Variants in ADGRL2 observed in about 807,000 individuals in gnomAD.
ADGRL2 encodes the protein adhesion G protein-coupled receptor L2, also known as calcium-independent alpha-latrotoxin receptor 2.
In ADGRL2, 44 loss-of-function variants were observed where a neutral mutation model predicts 157.4. The observed-to-expected ratio is 0.28, with a 90% CI of 0.22 to 0.36. The LOEUF (loss-of-function observed/expected upper bound fraction) is 0.36, where lower values mean the gene tolerates loss of function less well. Ranked by LOEUF, ADGRL2 falls within the 10% of genes least tolerant of loss-of-function variation. ADGRL2 has a pLI of 1.00. For synonymous variants in ADGRL2, 585 were observed against 624.7 expected, an observed-to-expected ratio of 0.94 and a Z score of 0.95; for missense variants, 1,510 against 1,768.9, an observed-to-expected ratio of 0.85 and a Z score of 2.63.
chr1:81,916,338 G>A (rs1280518241), intron 3 of ADGRL2, among the ~76,000 whole-genome samples: 2 of 152,062 alleles, frequency 1.3e-5, no homozygotes, highest in East Asian at 3.9e-4. Flanking sequence ...TTGCTTACAA[G>A]CATCCTTTTT....
In ADGRL2 at chr1:81,847,967, T is replaced by C. The variant is rs527836647; in HGVS notation, c.73+10910T>C. ...TTATCAGCACCATAAGAGTATAGGATGGAAGTACTTGATTGTTAACTGGTC... is the reference window on the plus strand; with the variant it reads ...TTATCAGCACCATAAGAGTATAGGACGGAAGTACTTGATTGTTAACTGGTC... On this transcript the variant is annotated intron_variant, in intron 2 of 23. Coordinates refer to ENST00000686636, the MANE Select transcript of ADGRL2 (RefSeq NM_001366006.2). Among the ~76,000 whole-genome samples, 11 of 151,804 alleles carry C rather than the reference T, an allele frequency of 7.2e-5. No homozygotes were observed. In the South Asian group the frequency reaches 2.3e-3, roughly 32 times the overall value.
At chr1:81,708,696 A>T (rs948263473) in intron 1 of ADGRL2, among the ~76,000 whole-genome samples, 1 of 151,900 alleles carries the variant, frequency 6.6e-6, no homozygotes, top group African/African-American at 2.4e-5. Context: ...AAGCTGAGGA[A>T]ATGTTTAATA....
intron 1 of ADGRL2, among the ~76,000 whole-genome samples, chr1:81,424,808 C>T (rs746747647): frequency 2.0e-5 from 3 of 152,140 alleles, no homozygotes; most frequent in Non-Finnish European, 2.9e-5. Flanking sequence ...TCTTTCAAAA[C>T]ATTTTCTGAC....
rs768266678 is a variant in ADGRL2, at chr1:81,969,403, G to T, written c.2733+16G>T. The T allele has an allele frequency of 2.6e-6, 4 of 1,563,034 alleles. No individual in the cohort carries two copies. Among genetic ancestry groups the T allele is most frequent in the African/African-American group, 1.4e-5 (1 of 73,832 alleles). ...AAAATATGCGGTAAGCACCAGTTGA[G>T]TTCATTGACCTTAGATCTCTGAAAA... On this transcript the variant is annotated intron_variant, in intron 15 of 23. Coordinates refer to ENST00000686636, the MANE Select transcript of ADGRL2 (RefSeq NM_001366006.2).
intron 2 of ADGRL2, among the ~76,000 whole-genome samples, chr1:81,876,285 TAA>T (rs2093839623): frequency 6.6e-6 from 1 of 152,190 alleles, no homozygotes; most frequent in African/African-American, 2.4e-5. Context: ...ACTTGTAAGT[TAA>T]ATACCTTTTA....
At chr1:81,881,260 C>A (rs2093979058) in intron 2 of ADGRL2, among the ~76,000 whole-genome samples, 1 of 152,166 alleles carries the variant, frequency 6.6e-6, no homozygotes, top group Non-Finnish European at 1.5e-5. Context: ...ACTGCAAGCT[C>A]CACCTCCCGG....
In ADGRL2 at chr1:81,702,534, C is replaced by T. The variant is rs573996572; in HGVS notation, c.-143+2726C>T. On this transcript the variant is annotated intron_variant, in intron 1 of 20. Coordinates refer to the ADGRL2 transcript ENST00000359929. ...TTCATGATGTACAACACAGTAATTT[C>T]GGAACAGTGGTTTTCAGAGAACAAC... Among the ~76,000 whole-genome samples, 4 of 152,276 alleles carry T rather than the reference C, an allele frequency of 2.6e-5. No homozygotes were observed. In the South Asian group the frequency reaches 8.3e-4, roughly 32 times the overall value.
At chr1:81,790,740 C>T (rs1020620602) in intron 2 of ADGRL2, among the ~76,000 whole-genome samples, 2 of 152,154 alleles carry the variant, frequency 1.3e-5, no homozygotes, top group Admixed American at 1.3e-4. Context: ...CTTCAAAAAG[C>T]TTCTGAGAAT....
chr1:81,664,305 A>G (rs1231063815), intron 3 of ADGRL2, among the ~76,000 whole-genome samples: 1 of 152,140 alleles, frequency 6.6e-6, no homozygotes, highest in African/African-American at 2.4e-5. Flanking sequence ...TATAATAAGA[A>G]TATTTTTCCA....
chr1:81,327,711 A>G lies in ADGRL2; in HGVS notation c.-302+21202A>G, dbSNP rs182405898. On this transcript the variant is annotated intron_variant, in intron 1 of 24. Transcript: ENST00000370721. ...CTTCTTGGCATTTGAAGAAGCTTAG[A>G]TATAATCAAATGTCATGCCCTCTGT... Among the ~76,000 whole-genome samples, 6 of 152,292 alleles carry G rather than the reference A, an allele frequency of 3.9e-5. No individual in the cohort carries two copies. In the East Asian group the frequency reaches 1.2e-3, roughly 29 times the overall value.
At chr1:81,825,657 C>CAAAAAA (rs71085375) in intron 1 of ADGRL2, among the ~76,000 whole-genome samples, 25 of 86,746 alleles carry the variant, frequency 2.9e-4, no homozygotes, top group African/African-American at 8.2e-4. Flanking sequence ...ACCCTGTCTC[C>CAAAAAA]AAAAAAAAAA....
intron 2 of ADGRL2, among the ~76,000 whole-genome samples, chr1:81,479,406 C>T (rs2078339579): frequency 6.6e-6 from 1 of 152,006 alleles, no homozygotes; most frequent in Non-Finnish European, 1.5e-5. Context: ...TCACTTGAAC[C>T]CAGGATGCAG....
At chr1:81,441,525 G>GT (rs1158804028) in intron 1 of ADGRL2, among the ~76,000 whole-genome samples, 2 of 152,056 alleles carry the variant, frequency 1.3e-5, no homozygotes, top group Admixed American at 6.5e-5. Context: ...TTGTTTTTGG[G>GT]TTTTTTTGTT....
chr1:81,685,251 T>C (rs531978707), intron 3 of ADGRL2, among the ~76,000 whole-genome samples: 1 of 152,364 alleles, frequency 6.6e-6, no homozygotes, highest in South Asian at 2.1e-4. Context: ...ACAATATTGA[T>C]TCTACCAATC....
At chr1:81,621,785 A>T (rs1213188211) in intron 3 of ADGRL2, among the ~76,000 whole-genome samples, 1 of 152,152 alleles carries the variant, frequency 6.6e-6, no homozygotes, top group Non-Finnish European at 1.5e-5. Context: ...TCTAAGTCTG[A>T]GGTAATTTGT....
chr1:81,543,728 A>G (rs1230302890), intron 2 of ADGRL2, among the ~76,000 whole-genome samples: 1 of 152,110 alleles, frequency 6.6e-6, no homozygotes. Context: ...AAAAATCTGC[A>G]AAGAACCCTA....
chr1:81,571,336 A>AAATATATATATACATATATATATAT (rs2080684370), intron 2 of ADGRL2, among the ~76,000 whole-genome samples: 1 of 147,242 alleles, frequency 6.8e-6, no homozygotes, highest in Non-Finnish European at 1.5e-5. Flanking sequence ...AAACAAATAC[A>AAATATATATATACATATATATATAT]AATATATATA....
rs74543254 is a variant in ADGRL2 at position 81,373,186 on chromosome 1, T to C, written c.-302+66677T>C. 3.0e-3 allele frequency among the ~76,000 whole-genome samples: 460 copies of C among 152,324 alleles called. 7 individuals are homozygous for C. The South Asian group carries it at 0.048, about 16-fold the overall frequency. ...ACAGAACCTTTTAGAAAGTGTCCAA[T>C]AAATGTTGATAACATTGAATAAATG... On this transcript the variant is annotated intron_variant, in intron 1 of 24. Coordinates refer to the ADGRL2 transcript ENST00000370721.
chr1:81,457,683 A>AT (rs200388669), intron 2 of ADGRL2, among the ~76,000 whole-genome samples: 245 of 152,192 alleles, frequency 1.6e-3, no homozygotes, highest in East Asian at 9.1e-3. Flanking sequence ...AGCCAAATGA[A>AT]TTTTTTTTAA....
Sources: gnomAD v4.1 joint callset for allele counts (sites outside exome capture counted in the v4.1 genomes callset) on GRCh38, gnomAD v4.1.1 for gene constraint, MANE v1.5 for transcripts, NCBI Gene and HGNC (gene_info 2026-07-23, HGNC 2026-07-21) for gene names.